HERC2: variants seen among roughly 807,000 people sequenced by gnomAD.
HERC2 encodes the protein E3 ubiquitin-protein ligase HERC2.
In HERC2, 102 loss-of-function variants were observed where a neutral mutation model predicts 537.7. The observed-to-expected ratio is 0.19, with a 90% CI of 0.16 to 0.22. The LOEUF is 0.22. HERC2 is among the 10% of genes least tolerant of loss of function. The probability of loss-of-function intolerance (pLI) is 1.00; values close to 1 mark genes in which losing one functional copy is unlikely to be tolerated. For missense variants in HERC2, 4,236 were observed against 6,198.2 expected (o/e 0.68, Z 10.63); for synonymous variants, 2,224 against 2,466.2 (o/e 0.90, Z 2.91).
At position 28,233,820 on chromosome 15, in the gene HERC2, A is replaced by G. The variant is rs1189618951; in HGVS notation, c.4219-24T>C. On this transcript the variant is annotated intron_variant, in intron 27 of 92. Coordinates refer to ENST00000261609, the MANE Select transcript of HERC2 (RefSeq NM_004667.6). The stretch of plus-strand genomic sequence containing the variant: ...TCCTGCAACAGAAACAGCTGGAAGT[A>G]ACTTCAGAGCCACCCAGTGAGTCTT... 3 of 1,611,636 alleles carry G rather than the reference A, an allele frequency of 1.9e-6. No homozygotes were observed. In the African/African-American group the frequency reaches 4.0e-5, roughly 22 times the overall value.
At chr15:28,249,959 G>A (rs2140842497) in intron 20 of HERC2, among the ~76,000 whole-genome samples, 1 of 152,020 alleles carries the variant, frequency 6.6e-6, no homozygotes, top group East Asian at 1.9e-4. Flanking sequence ...CCGGCCTAAG[G>A]AAACTAACTC....
intron 86 of HERC2, among the ~76,000 whole-genome samples, chr15:28,119,655 C>T (rs1369851977): frequency 2.6e-5 from 4 of 151,886 alleles, no homozygotes; most frequent in African/African-American, 4.8e-5. Context: ...GGTTTTATCA[C>T]GTTGCCCAGG....
intron 57 of HERC2, among the ~76,000 whole-genome samples, chr15:28,180,122 G>GT (rs1191377195): frequency 6.6e-6 from 1 of 152,162 alleles, no homozygotes; most frequent in Admixed American, 6.5e-5. Flanking sequence ...ATTATTCATG[G>GT]TAAGTGCCCT....
intron 23 of HERC2, among the ~76,000 whole-genome samples, chr15:28,244,536 C>T (rs1903469088): frequency 6.6e-6 from 1 of 152,152 alleles, no homozygotes; most frequent in Admixed American, 6.5e-5. Flanking sequence ...GGCTGTGACA[C>T]AGTTCTCTCT....
chr15:28,302,846 T>C (rs1463756790), intron 2 of HERC2, among the ~76,000 whole-genome samples: 2 of 152,158 alleles, frequency 1.3e-5, no homozygotes, highest in African/African-American at 4.8e-5. Flanking sequence ...CCCATTCTTA[T>C]TGGATTATTA....
rs533860840 is a variant in HERC2 at position 28,268,244 on chromosome 15, G to T, written c.1598+221C>A. Reference sequence around the variant, plus strand: ...AGAAGGCTGGCCAAGGCTGCACGGGGTCAAGAAGAACAGAAAGGCCAATTC... The same window carrying T: ...AGAAGGCTGGCCAAGGCTGCACGGGTTCAAGAAGAACAGAAAGGCCAATTC... On this transcript the variant is annotated intron_variant, in intron 12 of 92. Transcript: ENST00000261609. This position sits in a 1 kb window ranked among gnomAD's most constrained non-coding sequence, Gnocchi z 4.7. Among the ~76,000 whole-genome samples, 1 of 152,250 alleles carries T rather than the reference G, an allele frequency of 6.6e-6. No homozygotes were observed. The highest frequency in any genetic ancestry group is 2.4e-5 in the African/African-American group (1 of 41,556).
intron 15 of HERC2, among the ~76,000 whole-genome samples, chr15:28,261,364 T>C (rs947512680): frequency 1.3e-5 from 2 of 152,208 alleles, no homozygotes; most frequent in Non-Finnish European, 2.9e-5. Flanking sequence ...AAGAAATCTA[T>C]TGTTCTCTCA....
rs568209015 is a variant in HERC2, at chr15:28,168,642, G to C, written c.10230-52C>G. On this transcript the variant is annotated intron_variant, in intron 66 of 92. Transcript: ENST00000261609. ...GGTGAGCTGCCCCTTCTCCACTGCA[G>C]CACAGGAAGTGGAGAGGCAGGGCTA... The C allele has an allele frequency of 3.1e-4, 472 of 1,528,398 alleles. 1 individual carries two copies. The East Asian group carries it at 7.8e-3, about 25-fold the overall frequency. The allele number at this position is 1,528,398 out of a possible 1,614,324, so 94.7% of individuals were successfully genotyped here.
At chr15:28,214,592 C>T (rs902519481) in intron 40 of HERC2, 63 bp downstream of exon 40, 18 of 1,586,850 alleles carry the variant, frequency 1.1e-5, no homozygotes, top group African/African-American at 2.7e-5. Context: ...AACGGCCACC[C>T]ACCTGAGTGA....
chr15:28,311,260 T>A (rs1034853004), intron 2 of HERC2, among the ~76,000 whole-genome samples: 1 of 151,166 alleles, frequency 6.6e-6, no homozygotes, highest in African/African-American at 2.4e-5. Context: ...AGCCCAGGAG[T>A]TCGAGACCAG....
rs995492881 is a variant in HERC2, at chr15:28,176,333, T to G, written c.9686+95A>C. 16 of 1,143,992 alleles carry G rather than the reference T, an allele frequency of 1.4e-5. No individual in the cohort carries two copies. The highest frequency in any genetic ancestry group is 1.7e-5 in the Non-Finnish European group (13 of 783,580). The allele number at this position is 1,143,992 out of a possible 1,614,324, so 70.9% of individuals were successfully genotyped here. ...CATGCATAAGTAAAAAGAGGACACG[T>G]CACAATCACGCCGGGTGAGCCTGGG... On this transcript the variant is annotated intron_variant, in intron 63 of 92. Coordinates refer to ENST00000261609, the MANE Select transcript of HERC2 (RefSeq NM_004667.6). The surrounding 1 kb of genome is among the most constrained non-coding windows in gnomAD (Gnocchi z 5.0).
intron 5 of HERC2, among the ~76,000 whole-genome samples, chr15:28,276,192 C>CAAAAAAAAAAAAAAA (rs11359639): frequency 5.7e-5 from 4 of 70,106 alleles, no homozygotes; most frequent in Admixed American, 2.3e-4. Flanking sequence ...TCTCAAAAAA[C>CAAAAAAAAAAAAAAA]AAAAAAAAAA....
chr15:28,222,877 G>A (rs1164025775), intron 35 of HERC2, among the ~76,000 whole-genome samples: 3 of 152,154 alleles, frequency 2.0e-5, no homozygotes, highest in Non-Finnish European at 2.9e-5. Flanking sequence ...CCAGCTTCCC[G>A]GCAGACAGCA....
chr15:28,256,128 C>G lies in HERC2; in HGVS notation c.2707G>C (p.Glu903Gln). The G allele has an allele frequency of 1.2e-6, 2 of 1,602,244 alleles. No individual in the cohort carries two copies. Among genetic ancestry groups the G allele is most frequent in the Non-Finnish European group, 1.7e-6 (2 of 1,179,508 alleles). The part of the protein sequence containing the change: ...GWSVLLPTAE[E>Q]RARALSALLP... ...AGAGCAGAGAGTGCCCGGGCCCGCT[C>G]CTCCGCGGTGGGCAGCAGCACGGAC... is the stretch of plus-strand genomic sequence containing the variant. Residue 903 changes from glutamate (E) to glutamine (Q), a missense_variant, in exon 18 of 93, where the codon GAG becomes CAG. This residue lies in a region of HERC2 where 754 missense variants were observed against 1,085.0 expected (regional missense o/e 0.69). Transcript: ENST00000261609.
chr15:28,186,398 C>T (rs547951625), intron 56 of HERC2, among the ~76,000 whole-genome samples, 179 bp downstream of exon 56: 7 of 152,074 alleles, frequency 4.6e-5, no homozygotes, highest in Non-Finnish European at 7.4e-5. Flanking sequence ...TGTGTTTCTA[C>T]ATTAAACACT....
chr15:28,244,342 A>G (rs1320949306), intron 23 of HERC2, among the ~76,000 whole-genome samples: 1 of 152,230 alleles, frequency 6.6e-6, no homozygotes, highest in Non-Finnish European at 1.5e-5. Flanking sequence ...CGTACCGTCT[A>G]GTTCCACTTA....
At position 28,272,978 on chromosome 15, in the gene HERC2, T is replaced by C; in HGVS notation, c.827A>G (p.Lys276Arg). The C allele has an allele frequency of 1.2e-6, 2 of 1,612,526 alleles. No homozygotes were observed. The highest frequency in any genetic ancestry group is 1.7e-6 in the Non-Finnish European group (2 of 1,180,020). ...CTGCAGGGGGATGCTTCCTGGCCCT[T>C]TGGTGGCTGGCGTTCCGTGAACATC... ...TGDVHGTPAT[K>R]GPGSIPLQDQ... Residue 276 changes from lysine (K) to arginine (R), a missense_variant, in exon 8 of 93, where the codon AAA becomes AGA. This residue lies in a region of HERC2 where 491 missense variants were observed against 559.3 expected (regional missense o/e 0.88). Coordinates refer to ENST00000261609, the MANE Select transcript of HERC2 (RefSeq NM_004667.6).
rs111321877 is a variant in HERC2, at chr15:28,266,075, G to T, written c.1599-101C>A. On this transcript the variant is annotated intron_variant, in intron 12 of 92. Coordinates refer to ENST00000261609, the MANE Select transcript of HERC2 (RefSeq NM_004667.6). ...CACTATCCAAATTTAGACCAGCATA[G>T]CATCAGGCCAGTTTCACCTTCCAGG... is the stretch of plus-strand genomic sequence containing the variant. The T allele has an allele frequency of 2.0e-5, 25 of 1,276,832 alleles. No homozygotes were observed. The African/African-American group carries it at 3.1e-4, about 16-fold the overall frequency. The allele number at this position is 1,276,832 out of a possible 1,614,324, so 79.1% of individuals were successfully genotyped here. A position where few individuals can be genotyped will look rare whatever the true frequency, so the allele number is the denominator to read the frequency against.
rs199857737 is a variant in HERC2 at position 28,208,508 on chromosome 15, G to GT, written c.7070-2127dup. On this transcript the variant is annotated intron_variant, in intron 44 of 92. Transcript: ENST00000261609. ...ATACTCCTATACCTTCCTAGCAGGTGTATCACCCGAAGGTCAATGCTTACC... is the reference window on the plus strand; with the variant it reads ...ATACTCCTATACCTTCCTAGCAGGTGTTATCACCCGAAGGTCAATGCTTACC... 7.5e-3 allele frequency among the ~76,000 whole-genome samples: 1,143 copies of GT among 152,052 alleles called. 19 individuals are homozygous for GT. Among genetic ancestry groups the GT allele is most frequent in the African/African-American group, 0.026 (1,084 of 41,458 alleles).
Sources: gnomAD v4.1 joint callset for allele counts (sites outside exome capture counted in the v4.1 genomes callset) on GRCh38, gnomAD v4.1.1 for gene constraint, gnomAD v4.1.1 regional missense constraint, Gnocchi (gnomAD v3.1) non-coding constraint, MANE v1.5 for transcripts, NCBI Gene and HGNC (gene_info 2026-07-23, HGNC 2026-07-21) for gene names.